The following RASGRF2 variants were observed in gnomAD, a reference collection of about 807,000 sequenced individuals.
RASGRF2 encodes Ras protein specific guanine nucleotide releasing factor 2, also known as ras-specific guanine nucleotide-releasing factor 2.
RASGRF2 carries 76 observed loss-of-function variants against 151.0 expected under a neutral mutation model. The ratio of observed to expected loss-of-function variants is 0.50; its 90% CI spans 0.42 to 0.61. The LOEUF is 0.61. Among genes scored for constraint, RASGRF2 ranks in the 20% least tolerant of loss-of-function variants. The probability of loss-of-function intolerance (pLI) is 0.00; values close to 1 mark genes in which losing one functional copy is unlikely to be tolerated. For synonymous variants in RASGRF2, 504 were observed against 566.5 expected (o/e 0.89, Z 1.57); for missense variants, 1,148 against 1,564.6 (o/e 0.73, Z 4.49).
chr5:81,143,288 C>T (rs1398067728), intron 17 of RASGRF2, among the ~76,000 whole-genome samples: 2 of 151,924 alleles, frequency 1.3e-5, no homozygotes, highest in African/African-American at 2.4e-5. Flanking sequence ...GCTGGGATTA[C>T]AGGCGCATGC....
At chr5:81,074,428 T>A (rs1295108834) in intron 5 of RASGRF2, among the ~76,000 whole-genome samples, 1 of 152,202 alleles carries the variant, frequency 6.6e-6, no homozygotes, top group African/African-American at 2.4e-5. Context: ...CAAAATAACA[T>A]GAAAACAGCA....
chr5:81,081,273 A>G (rs1023033506), intron 7 of RASGRF2, among the ~76,000 whole-genome samples: 9 of 151,958 alleles, frequency 5.9e-5, no homozygotes, highest in African/African-American at 2.2e-4. Flanking sequence ...CCTCGGCTGG[A>G]GCCCTGGAGA....
At chr5:81,209,165 T>G (rs1411913024) in intron 22 of RASGRF2, among the ~76,000 whole-genome samples, 4 of 152,186 alleles carry the variant, frequency 2.6e-5, no homozygotes, top group Non-Finnish European at 5.9e-5. Context: ...ATTCCAGGGT[T>G]GGAAGGGGCC....
chr5:80,982,762 G>A (rs1748349802), intron 1 of RASGRF2, among the ~76,000 whole-genome samples: 1 of 151,612 alleles, frequency 6.6e-6, no homozygotes, highest in Non-Finnish European at 1.5e-5. Context: ...CACCACCCCC[G>A]GCTCATTTTT....
intron 19 of RASGRF2, among the ~76,000 whole-genome samples, chr5:81,205,878 G>T (rs1755494363): frequency 1.3e-5 from 2 of 152,142 alleles, no homozygotes; most frequent in Non-Finnish European, 2.9e-5. Context: ...AGCCTCCCGA[G>T]TAGCTGGGAC....
At chr5:81,170,310 A>G (rs1010807449) in intron 17 of RASGRF2, among the ~76,000 whole-genome samples, 2 of 152,262 alleles carry the variant, frequency 1.3e-5, no homozygotes, top group African/African-American at 4.8e-5. Flanking sequence ...CACACTGCAC[A>G]TGGCAGCCAG....
intron 17 of RASGRF2, among the ~76,000 whole-genome samples, chr5:81,152,581 G>A (rs1364792420): frequency 2.0e-5 from 3 of 151,968 alleles, no homozygotes; most frequent in Non-Finnish European, 4.4e-5. Context: ...ATGCTATGAT[G>A]TATTATTTGC....
intron 19 of RASGRF2, among the ~76,000 whole-genome samples, chr5:81,204,749 T>C (rs1314831612): frequency 2.0e-5 from 3 of 152,178 alleles, no homozygotes; most frequent in Non-Finnish European, 4.4e-5. Context: ...TGGGCTCAGG[T>C]CATAGAAAAG....
chr5:81,130,622 G>T (rs1461405616), intron 17 of RASGRF2, among the ~76,000 whole-genome samples: 1 of 152,150 alleles, frequency 6.6e-6, no homozygotes, highest in Non-Finnish European at 1.5e-5. Flanking sequence ...CCCGAGGAGG[G>T]CTAGACCTAG....
intron 18 of RASGRF2, among the ~76,000 whole-genome samples, chr5:81,193,936 C>T (rs932395668): frequency 2.6e-5 from 4 of 152,144 alleles, no homozygotes; most frequent in African/African-American, 9.7e-5. Flanking sequence ...AACTGTCTGA[C>T]CTTGGATAAG....
intron 1 of RASGRF2, among the ~76,000 whole-genome samples, chr5:80,976,475 G>C (rs1403666753): frequency 6.6e-6 from 1 of 152,208 alleles, no homozygotes; most frequent in East Asian, 1.9e-4. Context: ...AACTAGGAAG[G>C]AAATGTTTTT....
At chr5:80,967,580 T>C (rs1353563183) in intron 1 of RASGRF2, among the ~76,000 whole-genome samples, 1 of 152,180 alleles carries the variant, frequency 6.6e-6, no homozygotes, top group Admixed American at 6.5e-5. Context: ...TTCAGGGTAC[T>C]GAAGTGTTTC....
At chr5:81,197,448 G>T (rs1295262787) in intron 18 of RASGRF2, among the ~76,000 whole-genome samples, 11 of 114,816 alleles carry the variant, frequency 9.6e-5, no homozygotes, top group Admixed American at 8.0e-4. Flanking sequence ...GGGCGACAGA[G>T]CGAGACTCCG....
intron 18 of RASGRF2, among the ~76,000 whole-genome samples, chr5:81,183,006 T>C (rs1312029973): frequency 6.6e-6 from 1 of 152,240 alleles, no homozygotes; most frequent in African/African-American, 2.4e-5. Flanking sequence ...TTTTTAATTA[T>C]CTGATTCACT....
intron 1 of RASGRF2, among the ~76,000 whole-genome samples, chr5:81,023,523 G>C (rs1244504576): frequency 6.6e-6 from 1 of 152,132 alleles, no homozygotes. Flanking sequence ...TTTGATGAGC[G>C]GCTACAAATA....
Position 81,217,311 on chromosome 5 carries a change from C to G in RASGRF2, c.3435-45C>G, listed in dbSNP as rs775183261. ...TGTTTAATTTGGGGAGGGAAATAGA[C>G]ATTTATTCAAATGAGTCTCAGAACA... On this transcript the variant is annotated intron_variant, in intron 24 of 26. Coordinates refer to ENST00000265080, the MANE Select transcript of RASGRF2 (RefSeq NM_006909.3). 4.5e-6 allele frequency: 7 copies of G among 1,554,114 alleles called. No homozygotes were observed. The South Asian group carries it at 7.4e-5, about 16-fold the overall frequency.
chr5:81,020,789 GA>G (rs1186270131), intron 1 of RASGRF2, among the ~76,000 whole-genome samples: 1 of 152,212 alleles, frequency 6.6e-6, no homozygotes, highest in African/African-American at 2.4e-5. Flanking sequence ...TCAAGACAAA[GA>G]GATACACTAA....
At chr5:81,024,220 C>T (rs559377191) in intron 1 of RASGRF2, among the ~76,000 whole-genome samples, 1 of 146,510 alleles carries the variant, frequency 6.8e-6, no homozygotes, top group South Asian at 2.2e-4. Context: ...CTGAAAATTT[C>T]CCTCTCCAGG....
In RASGRF2 at chr5:81,113,623, T is replaced by A; in HGVS notation, c.2173T>A (p.Phe725Ile). The A allele has an allele frequency of 6.2e-7, 1 of 1,611,050 alleles. No individual in the cohort carries two copies. Among genetic ancestry groups the A allele is most frequent in the Non-Finnish European group, 8.5e-7 (1 of 1,177,196 alleles). Residue 725 changes from phenylalanine to isoleucine, a missense_variant, in exon 15 of 27, where the codon TTC becomes ATC. By Grantham distance (21) the Phe-to-Ile change is conservative. This residue lies in a region of RASGRF2 where 646 missense variants were observed against 807.4 expected (regional missense o/e 0.80). Coordinates refer to ENST00000265080, the MANE Select transcript of RASGRF2 (RefSeq NM_006909.3). The stretch of plus-strand genomic sequence containing the variant: ...CAAATCCCCACGTCTGTGTCGCAAA[T>A]TCTCTTCCCCGCCACCACTGGCTGT... ...DGKSPRLCRK[F>I]SSPPPLAVSR... is the part of the protein sequence containing the mutation.
Sources: gnomAD v4.1 joint callset for allele counts (sites outside exome capture counted in the v4.1 genomes callset) on GRCh38, gnomAD v4.1.1 for gene constraint, gnomAD v4.1.1 regional missense constraint, MANE v1.5 for transcripts, NCBI Gene and HGNC (gene_info 2026-07-23, HGNC 2026-07-21) for gene names.